The following VPS13B variants were observed in gnomAD, a reference collection of about 807,000 sequenced individuals.
VPS13B encodes vacuolar protein sorting 13 homolog B, also known as intermembrane lipid transfer protein VPS13B.
A neutral mutation model predicts 426.4 loss-of-function variants in VPS13B; 285 were observed. The ratio of observed to expected loss-of-function variants is 0.67; its 90% CI spans 0.61 to 0.74. The LOEUF (loss-of-function observed/expected upper bound fraction) is 0.74, where lower values mean the gene tolerates loss of function less well. Ranked by LOEUF, VPS13B falls within the 30% of genes least tolerant of loss-of-function variation. The pLI is 0.00. For synonymous variants in VPS13B, 1,676 were observed against 1,676.4 expected (o/e 1.00, Z 0.01); for missense variants, 4,537 against 4,782.6 (o/e 0.95, Z 1.51).
intron 17 of VPS13B, chr8:99,241,471 A>G (rs1816930408): frequency 6.6e-6 from 1 of 152,204 alleles, no homozygotes; most frequent in Non-Finnish European, 1.5e-5. Context: ...AGACAAATTT[A>G]TATAATTACT....
intron 2 of VPS13B, among the ~76,000 whole-genome samples, chr8:99,028,417 C>T (rs1468067832): frequency 7.1e-6 from 1 of 141,686 alleles, no homozygotes; most frequent in Non-Finnish European, 1.5e-5. Flanking sequence ...CCCTCCCGGA[C>T]GGGGCGGCTG....
At chr8:99,679,105 T>A (rs1309359027) in intron 35 of VPS13B, among the ~76,000 whole-genome samples, 1 of 152,208 alleles carries the variant, frequency 6.6e-6, no homozygotes, top group African/African-American at 2.4e-5. Flanking sequence ...GCCTAAGTCT[T>A]GTTTTCTTCT....
rs1217062116 is a variant in VPS13B, at chr8:99,720,864, A to C, written c.6867A>C (p.Glu2289Asp). ...TGLFQYVQDAESLKLPGVYEV... is the reference protein window; with the variant it reads ...TGLFQYVQDADSLKLPGVYEV... The stretch of plus-strand genomic sequence containing the variant: ...ATTAATTATACTTTTATTTGACAGA[A>C]TCTTTGAAATTGCCTGGGGTCTATG... Residue 2289 changes from glutamate to aspartate, a missense_variant and splice_region_variant, in exon 39 of 62, where the codon GAA becomes GAC. By Grantham distance (45) the Glu-to-Asp change is conservative. Coordinates refer to ENST00000357162, the MANE Select transcript of VPS13B (RefSeq NM_152564.5). 1 of 1,612,484 alleles carries C rather than the reference A, an allele frequency of 6.2e-7. No homozygotes were observed.
chr8:99,848,442 A>G (rs140473717), intron 54 of VPS13B, among the ~76,000 whole-genome samples: 1 of 152,318 alleles, frequency 6.6e-6, no homozygotes, highest in African/African-American at 2.4e-5. Context: ...ACAAAGATCC[A>G]TATGCACACA....
intron 59 of VPS13B, among the ~76,000 whole-genome samples, chr8:99,870,096 T>C (rs1057041727): frequency 6.6e-6 from 1 of 152,262 alleles, no homozygotes; most frequent in Non-Finnish European, 1.5e-5. Flanking sequence ...TGTGCCTTTG[T>C]ATATATCTGT....
chr8:99,226,943 A>T (rs1563614115), intron 17 of VPS13B, among the ~76,000 whole-genome samples: 2 of 152,074 alleles, frequency 1.3e-5, no homozygotes, highest in Admixed American at 1.3e-4. Flanking sequence ...CATTGTTGCT[A>T]TTAGCCTCCC....
chr8:99,523,365 G>A (rs535590868), intron 30 of VPS13B, among the ~76,000 whole-genome samples: 5 of 152,218 alleles, frequency 3.3e-5, no homozygotes, highest in African/African-American at 4.8e-5. Flanking sequence ...GGCCTTGAGT[G>A]AACACAGGCC....
At chr8:99,841,289 C>T (rs1224423047) in intron 54 of VPS13B, among the ~76,000 whole-genome samples, 1 of 152,126 alleles carries the variant, frequency 6.6e-6, no homozygotes, top group African/African-American at 2.4e-5. Flanking sequence ...CTCCGGGCCC[C>T]ATATTACTCC....
At chr8:99,705,510 T>A (rs1437993447) in intron 36 of VPS13B, among the ~76,000 whole-genome samples, 1 of 152,062 alleles carries the variant, frequency 6.6e-6, no homozygotes, top group Non-Finnish European at 1.5e-5. Flanking sequence ...TAGAAAAGAT[T>A]TTTTTGACAC....
chr8:99,645,898 T>TC (rs1376450642), intron 34 of VPS13B, among the ~76,000 whole-genome samples: 2 of 152,202 alleles, frequency 1.3e-5, no homozygotes, highest in African/African-American at 4.8e-5. Context: ...AAAGCACTGT[T>TC]CCATAACTGG....
At chr8:99,875,007 A>T (rs1817624558) in intron 61 of VPS13B, 1 of 257,314 alleles carries the variant, frequency 3.9e-6, no homozygotes, top group Admixed American at 5.1e-5. Flanking sequence ...AGCTAGGCAA[A>T]CAGAGCTTTT....
chr8:99,631,820 T>C (rs986132340), intron 33 of VPS13B, among the ~76,000 whole-genome samples: 5 of 151,908 alleles, frequency 3.3e-5, no homozygotes, highest in African/African-American at 7.2e-5. Context: ...CCTTAGCTAG[T>C]GCCTAGAACA....
chr8:99,511,119 C>G lies in VPS13B; in HGVS notation c.4240C>G (p.Leu1414Val). 1 of 1,613,018 alleles carries G rather than the reference C, an allele frequency of 6.2e-7. No individual in the cohort carries two copies. Among genetic ancestry groups the G allele is most frequent in the Non-Finnish European group, 8.5e-7 (1 of 1,179,948 alleles). Residue 1414 changes from leucine (L) to valine (V), a missense_variant, in exon 29 of 62, where the codon CTA becomes GTA. Transcript: ENST00000357162. ...TTTGGAACAGACAACTACAAAACTT[C>G]TAGATGGCACTCATCAGCAGCATGG... ...KEKSVTTTKLLDGTHQQHGFL... is the reference protein window; with the variant it reads ...KEKSVTTTKLVDGTHQQHGFL...
intron 19 of VPS13B, among the ~76,000 whole-genome samples, chr8:99,324,196 A>C (rs1399264788): frequency 3.5e-4 from 53 of 152,232 alleles, no homozygotes; most frequent in Admixed American, 3.5e-3. Context: ...AGATATGAAC[A>C]TGGGAAAGTA....
At chr8:99,371,920 A>G (rs1405293863) in intron 19 of VPS13B, among the ~76,000 whole-genome samples, 3 of 152,290 alleles carry the variant, frequency 2.0e-5, no homozygotes, top group Middle Eastern at 3.4e-3. Flanking sequence ...AAACCCTACA[A>G]GAAAACCTAG....
chr8:99,404,962 T>C (rs897101901), intron 21 of VPS13B, among the ~76,000 whole-genome samples: 3 of 152,254 alleles, frequency 2.0e-5, no homozygotes, highest in Non-Finnish European at 4.4e-5. Flanking sequence ...AGCTGTAGAC[T>C]TCAAGCATGG....
At chr8:99,579,983 C>T (rs1001262132) in intron 33 of VPS13B, among the ~76,000 whole-genome samples, 1 of 152,116 alleles carries the variant, frequency 6.6e-6, no homozygotes, top group Non-Finnish European at 1.5e-5. Flanking sequence ...CAGGCGTGAG[C>T]TACTGTGCCT....
intron 31 of VPS13B, among the ~76,000 whole-genome samples, chr8:99,573,957 A>G (rs981094595): frequency 6.6e-6 from 1 of 151,982 alleles, no homozygotes; most frequent in Non-Finnish European, 1.5e-5. Context: ...CCATTTGTTT[A>G]TATCCTCTTT....
intron 22 of VPS13B, among the ~76,000 whole-genome samples, chr8:99,434,963 G>GA (rs1018997065): frequency 2.0e-5 from 3 of 150,604 alleles, no homozygotes; most frequent in African/African-American, 4.9e-5. Flanking sequence ...TATATGCTGA[G>GA]AAAAAAAAAG....
Sources: gnomAD v4.1 joint callset for allele counts (sites outside exome capture counted in the v4.1 genomes callset) on GRCh38, gnomAD v4.1.1 for gene constraint, MANE v1.5 for transcripts, NCBI Gene and HGNC (gene_info 2026-07-23, HGNC 2026-07-21) for gene names.